The following AOPEP variants were observed in gnomAD, a reference collection of about 807,000 sequenced individuals.
The protein encoded by AOPEP is aminopeptidase O (putative).
AOPEP carries 77 observed loss-of-function variants against 98.1 expected under a neutral mutation model. That is an observed-to-expected ratio of 0.78 (90% CI 0.65 to 0.95). AOPEP has a LOEUF of 0.95. Among genes scored for constraint, AOPEP ranks in the 40% least tolerant of loss-of-function variants. The pLI, the probability that AOPEP is intolerant of heterozygous loss-of-function variation, is 0.00. For missense variants in AOPEP, 1,024 were observed against 1,024.7 expected (o/e 1.00, Z 0.01); for synonymous variants, 346 against 365.3 (o/e 0.95, Z 0.60).
chr9:95,004,897 A>C (rs1807499407), intron 11 of AOPEP: 1 of 145,264 alleles, frequency 6.9e-6, no homozygotes, highest in African/African-American at 2.5e-5. Context: ...CGCGGCCGCT[A>C]TACCTTTAAG....
rs1453913946 is a variant in AOPEP at position 94,928,595 on chromosome 9, C to T, written c.1661+64C>T. 3.5e-6 allele frequency: 4 copies of T among 1,146,590 alleles called. No homozygotes were observed. The African/African-American group carries it at 4.6e-5, about 13-fold the overall frequency. The allele number at this position is 1,146,590 out of a possible 1,614,324, so 71.0% of individuals were successfully genotyped here. A position where few individuals can be genotyped will look rare whatever the true frequency, so the allele number is the denominator to read the frequency against. On this transcript the variant is annotated intron_variant, in intron 7 of 16. Transcript: ENST00000375315. ...TCCTTCTTTCCTTCAAGACACCTCC[C>T]TGCCAACTGATGACATCTGCTGTGT...
chr9:95,135,388 ATT>A, the AOPEP span: 1 of 1,614,010 alleles, frequency 6.2e-7, no homozygotes, highest in Non-Finnish European at 8.5e-7. Context: ...TTCTCAGACA[ATT>A]TCTCTCACTG....
chr9:94,792,507 A>T (rs754289468), intron 3 of AOPEP, among the ~76,000 whole-genome samples: 6 of 152,096 alleles, frequency 3.9e-5, no homozygotes, highest in Admixed American at 2.0e-4. Flanking sequence ...GACCCCCTGC[A>T]CTACCACCCT....
chr9:95,125,366 A>AT, the AOPEP span, among the ~76,000 whole-genome samples: 1 of 152,132 alleles, frequency 6.6e-6, no homozygotes, highest in Non-Finnish European at 1.5e-5. Flanking sequence ...TCCCTGTTAT[A>AT]TTTTCTTTAA....
At chr9:94,968,826 C>G (rs1265593984) in intron 10 of AOPEP, among the ~76,000 whole-genome samples, 3 of 152,176 alleles carry the variant, frequency 2.0e-5, no homozygotes, top group African/African-American at 7.2e-5. Context: ...GGCACTGGAT[C>G]CAGGATCTAG....
intron 5 of AOPEP, among the ~76,000 whole-genome samples, chr9:94,880,710 AT>A (rs2047486206): frequency 2.0e-5 from 3 of 152,226 alleles, no homozygotes; most frequent in Non-Finnish European, 4.4e-5. Context: ...CATATCTGCT[AT>A]CTTTTTAAAT....
rs563124736 is a variant in AOPEP at position 94,955,929 on chromosome 9, C to T, written c.1786C>T (p.Leu596Phe). 34 of 1,612,234 alleles carry T rather than the reference C, an allele frequency of 2.1e-5. 1 individual carries two copies. Among genetic ancestry groups the T allele is most frequent in the South Asian group, 1.9e-4 (17 of 90,988 alleles). ...YLKGYFLLRF[L>F]AKRLGDETYF... Reference sequence around the variant, plus strand: ...CTAGGGCTACTTCCTTCTTCGGTTTCTTGCCAAAAGACTTGGAGATGAAAC... The same window carrying T: ...CTAGGGCTACTTCCTTCTTCGGTTTTTTGCCAAAAGACTTGGAGATGAAAC... Residue 596 changes from leucine to phenylalanine, a missense_variant, in exon 9 of 17, where the codon CTT (leucine) becomes TTT (phenylalanine). Physicochemically the swap from Leu to Phe is conservative, Grantham distance 22 (BLOSUM62 0). Coordinates refer to ENST00000375315, the MANE Select transcript of AOPEP (RefSeq NM_001193329.3).
At chr9:95,030,184 A>C (rs2064176557) in intron 13 of AOPEP, among the ~76,000 whole-genome samples, 2 of 152,238 alleles carry the variant, frequency 1.3e-5, no homozygotes, top group African/African-American at 4.8e-5. Context: ...AGAAATTTCA[A>C]AATTACCAGT....
At chr9:95,100,374 A>G in the AOPEP span, 1 of 231,636 alleles carries the variant, frequency 4.3e-6, no homozygotes, top group Non-Finnish European at 8.5e-6. Flanking sequence ...CAGTGGATCT[A>G]TTAGCATTGC....
chr9:94,913,308 C>T (rs1162496410), intron 5 of AOPEP, among the ~76,000 whole-genome samples: 6 of 147,636 alleles, frequency 4.1e-5, no homozygotes. Context: ...TTTGGAGAGA[C>T]TTTTATTTGT....
intron 5 of AOPEP, among the ~76,000 whole-genome samples, chr9:94,827,025 C>T (rs1588423912): frequency 6.6e-6 from 1 of 152,294 alleles, no homozygotes; most frequent in Non-Finnish European, 1.5e-5. Context: ...ATCTTGTCTA[C>T]CAATGCATGA....
At chr9:94,777,217 G>A (rs1223828341) in intron 3 of AOPEP, among the ~76,000 whole-genome samples, 1 of 152,032 alleles carries the variant, frequency 6.6e-6, no homozygotes. Flanking sequence ...CGGATCATGA[G>A]GTCAGGAGAT....
intron 5 of AOPEP, among the ~76,000 whole-genome samples, chr9:94,880,619 G>A (rs918271992): frequency 5.3e-5 from 8 of 152,132 alleles, no homozygotes; most frequent in Non-Finnish European, 1.0e-4. Flanking sequence ...GCATCCCAAA[G>A]TGTTGGGATT....
chr9:94,867,794 A>G (rs535737000), intron 5 of AOPEP, among the ~76,000 whole-genome samples: 2 of 152,182 alleles, frequency 1.3e-5, no homozygotes, highest in Non-Finnish European at 2.9e-5. Flanking sequence ...ATCAGGGAAC[A>G]TTTCTTGGTG....
chr9:95,014,861 C>G (rs1040807181), intron 13 of AOPEP, among the ~76,000 whole-genome samples: 1 of 152,108 alleles, frequency 6.6e-6, no homozygotes, highest in Admixed American at 6.5e-5. Flanking sequence ...TGCTGAAAAC[C>G]TAAGTCAGCC....
At chr9:94,812,071 T>C (rs748882093) in intron 5 of AOPEP, among the ~76,000 whole-genome samples, 3 of 152,176 alleles carry the variant, frequency 2.0e-5, no homozygotes, top group Non-Finnish European at 4.4e-5. Context: ...GAAGGAGACC[T>C]GTACTAATTA....
At chr9:95,045,188 G>A (rs1034616738) in intron 13 of AOPEP, among the ~76,000 whole-genome samples, 3 of 152,232 alleles carry the variant, frequency 2.0e-5, no homozygotes, top group Admixed American at 6.5e-5. Flanking sequence ...TAGCGTCTGC[G>A]AAATCACTGT....
At chr9:94,941,535 T>C (rs2057008262) in intron 7 of AOPEP, among the ~76,000 whole-genome samples, 1 of 152,256 alleles carries the variant, frequency 6.6e-6, no homozygotes, top group South Asian at 2.1e-4. Context: ...AGAAATGGAC[T>C]CTGCCCTTTC....
chr9:94,792,077 C>G (rs1845850816), intron 3 of AOPEP, among the ~76,000 whole-genome samples: 2 of 152,168 alleles, frequency 1.3e-5, no homozygotes, highest in Non-Finnish European at 2.9e-5. Flanking sequence ...ATGGGGAGCC[C>G]CAGCTCTAAT....
Sources: gnomAD v4.1 joint callset for allele counts (sites outside exome capture counted in the v4.1 genomes callset) on GRCh38, gnomAD v4.1.1 for gene constraint, MANE v1.5 for transcripts, NCBI Gene and HGNC (gene_info 2026-07-23, HGNC 2026-07-21) for gene names.